CMPK2: variants seen among roughly 807,000 people sequenced by gnomAD.
CMPK2 encodes the protein UMP-CMP kinase 2, mitochondrial.
CMPK2 carries 32 observed loss-of-function variants against 33.4 expected under a neutral mutation model. That is an observed-to-expected ratio of 0.96 (90% CI 0.72 to 1.29). The LOEUF (loss-of-function observed/expected upper bound fraction) is 1.29. Among genes scored for constraint, CMPK2 ranks in the 50% most tolerant of loss-of-function variants. The pLI is 0.00. For missense variants in CMPK2, 672 were observed against 616.0 expected, an observed-to-expected ratio of 1.09 and a Z score of -0.96; for synonymous variants, 299 against 275.3, an observed-to-expected ratio of 1.09 and a Z score of -0.85.
chr2:6,855,298 C>T (rs895999659), intron 3 of CMPK2, among the ~76,000 whole-genome samples: 1 of 143,394 alleles, frequency 7.0e-6, no homozygotes, highest in Non-Finnish European at 1.6e-5. Flanking sequence ...GTAGCACTTC[C>T]CCCTGCTCTC....
At chr2:6,859,239 G>A (rs1662803114) in intron 3 of CMPK2, among the ~76,000 whole-genome samples, 1 of 152,228 alleles carries the variant, frequency 6.6e-6, no homozygotes, top group South Asian at 2.1e-4. Context: ...AATGGAAACA[G>A]AGCATAAAAG....
Position 6,848,749 on chromosome 2 carries a change from A to C in CMPK2, c.*1101T>G, listed in dbSNP as rs1193896643. The C allele has an allele frequency of 5.1e-6, 5 of 985,584 alleles. No individual in the cohort carries two copies. The highest frequency in any genetic ancestry group is 6.0e-6 in the Non-Finnish European group (5 of 829,878). 61.1% of individuals were successfully genotyped at this position (985,584 alleles called of 1,614,324 possible). ...TTTAGGTAATCACCTGGTTCAACCTACTCCCTAAAGTCACACAGCTCTATA... is the reference window on the plus strand; with the variant it reads ...TTTAGGTAATCACCTGGTTCAACCTCCTCCCTAAAGTCACACAGCTCTATA... On this transcript the variant is annotated 3_prime_UTR_variant, in exon 5 of 5. Coordinates refer to ENST00000256722, the MANE Select transcript of CMPK2 (RefSeq NM_207315.4).
chr2:6,865,256 G>A lies in CMPK2; in HGVS notation c.441C>T (p.Leu147=), dbSNP rs923832013. The A allele has an allele frequency of 2.1e-5, 32 of 1,538,054 alleles. No homozygotes were observed. Among genetic ancestry groups the A allele is most frequent in the Middle Eastern group, 1.7e-4 (1 of 5,794 alleles). ...CCTCCTGACAGGCGCCCAGCAGCTCGAGCAGCGCTTGCCGGGTGTCAGGGT... is the reference window on the plus strand; with the variant it reads ...CCTCCTGACAGGCGCCCAGCAGCTCAAGCAGCGCTTGCCGGGTGTCAGGGT... ...LDDPDTRQAL[L]ELLGACQEAP... Residue 147 remains leucine (L), a synonymous_variant, in exon 1 of 5, where the codon CTC becomes CTT. Transcript: ENST00000256722.
chr2:6,851,692 G>A lies in CMPK2; in HGVS notation c.993-9C>T. 6.2e-7 allele frequency: 1 copy of A among 1,612,898 alleles called. No individual in the cohort carries two copies. ...CCGTGCTGTGCCAGTACCTGAGAAGGAATGGGGTAGTGAGTTCTCTGTCTG... is the reference window on the plus strand; with the variant it reads ...CCGTGCTGTGCCAGTACCTGAGAAGAAATGGGGTAGTGAGTTCTCTGTCTG... On this transcript the variant is annotated splice_polypyrimidine_tract_variant and intron_variant, in intron 3 of 4. Coordinates refer to ENST00000256722, the MANE Select transcript of CMPK2 (RefSeq NM_207315.4).
In CMPK2 at chr2:6,865,540, CG is replaced by C. The variant is rs1197203651; in HGVS notation, c.156del (p.Gly53AlafsTer27). ...LAHFALGADA[P>X]GDADAPDPRL... ...CGGGGGTCGGGGGCGTCTGCGTCGC[CG>C]GGGGCGTCGGCGCCTAGGGCGAAGT... On this transcript the variant is annotated frameshift_variant, in exon 1 of 5. Transcript: ENST00000256722. LOFTEE classifies it high-confidence loss of function. The C allele has an allele frequency of 1.4e-5, 18 of 1,302,344 alleles. No homozygotes were observed. The highest frequency in any genetic ancestry group is 6.7e-5 in the South Asian group (3 of 44,566). The allele number at this position is 1,302,344 out of a possible 1,614,324, so 80.7% of individuals were successfully genotyped here.
At chr2:6,854,982 C>T (rs1316431456) in intron 3 of CMPK2, among the ~76,000 whole-genome samples, 1 of 151,842 alleles carries the variant, frequency 6.6e-6, no homozygotes, top group East Asian at 2.0e-4. Context: ...AAAGTCATAC[C>T]CTACTAGGAA....
chr2:6,865,741 A>G lies in CMPK2; in HGVS notation c.-45T>C. On this transcript the variant is annotated 5_prime_UTR_variant, in exon 1 of 5. Coordinates refer to ENST00000256722, the MANE Select transcript of CMPK2 (RefSeq NM_207315.4). The stretch of plus-strand genomic sequence containing the variant: ...CCCTCGGCCCCGCCTCGGAAACGAA[A>G]CCTGGCGGGAGCCAGGCGCCGGCGG... 7.8e-7 allele frequency: 1 copy of G among 1,275,570 alleles called. No individual in the cohort carries two copies. Among genetic ancestry groups the G allele is most frequent in the Non-Finnish European group, 9.9e-7 (1 of 1,011,870 alleles). The allele number at this position is 1,275,570 out of a possible 1,614,324, so 79.0% of individuals were successfully genotyped here.
chr2:6,857,667 C>T (rs1328133540), intron 3 of CMPK2, among the ~76,000 whole-genome samples: 16 of 136,100 alleles, frequency 1.2e-4, no homozygotes, highest in African/African-American at 3.9e-4. Flanking sequence ...GACGGAGTCT[C>T]GCTGTCGCCC....
intron 3 of CMPK2, among the ~76,000 whole-genome samples, chr2:6,859,589 G>A (rs1389284131): frequency 6.6e-6 from 1 of 152,352 alleles, no homozygotes; most frequent in East Asian, 1.9e-4. Context: ...AAAGCCCCAA[G>A]CCTCGGCAGC....
chr2:6,863,663 G>T (rs914804945), intron 1 of CMPK2, 85 bp from the exon 2 acceptor site: 2 of 939,298 alleles, frequency 2.1e-6, no homozygotes, highest in Non-Finnish European at 3.4e-6. Context: ...CAATATTGCC[G>T]CATGCTAATA....
chr2:6,861,374 C>T lies in CMPK2; in HGVS notation c.802G>A (p.Val268Met). Residue 268 changes from valine to methionine, a missense_variant, in exon 3 of 5, where the codon GTG becomes ATG. Transcript: ENST00000256722. ...AGTGAATCTGCCACTGACTGGGTCACCGTGGTTTTACCTGCAGGTCATACA... is the reference window on the plus strand; with the variant it reads ...AGTGAATCTGCCACTGACTGGGTCATCGTGGTTTTACCTGCAGGTCATACA... ...EGLDATGKTT[V>M]TQSVADSLKA... The T allele has an allele frequency of 6.2e-7, 1 of 1,614,084 alleles. No individual in the cohort carries two copies. The highest frequency in any genetic ancestry group is 8.5e-7 in the Non-Finnish European group (1 of 1,179,946).
At position 6,865,567 on chromosome 2, in the gene CMPK2, G is replaced by A; in HGVS notation, c.130C>T (p.His44Tyr). 1 of 1,362,394 alleles carries A rather than the reference G, an allele frequency of 7.3e-7. No individual in the cohort carries two copies. The highest frequency in any genetic ancestry group is 3.1e-5 in the Admixed American group (1 of 32,056). The allele number at this position is 1,362,394 out of a possible 1,614,324, so 84.4% of individuals were successfully genotyped here. Residue 44 changes from histidine (H) to tyrosine (Y), a missense_variant, in exon 1 of 5, where the codon CAC (histidine) becomes TAC (tyrosine). Transcript: ENST00000256722. Reference protein sequence around the residue: ...VLELPDCTLAHFALGADAPGD... With the variant: ...VLELPDCTLAYFALGADAPGD... ...GGGGCGTCGGCGCCTAGGGCGAAGT[G>A]AGCCAGGGTGCAGTCGGGAAGCTCC...
chr2:6,861,634 C>T (rs565182030), intron 2 of CMPK2, among the ~76,000 whole-genome samples: 7 of 152,302 alleles, frequency 4.6e-5, no homozygotes, highest in South Asian at 4.1e-4. Flanking sequence ...GCCCCTTTTA[C>T]GTGTGACTTT....
chr2:6,861,132 A>G, intron 3 of CMPK2, 52 bp downstream of exon 3: 1 of 938,142 alleles, frequency 1.1e-6, no homozygotes, highest in Non-Finnish European at 1.6e-6. Context: ...ACACACCCAC[A>G]CACTTATATA....
chr2:6,863,711 GA>G lies in CMPK2; in HGVS notation c.676-134del, dbSNP rs534743250. 267 of 618,916 alleles carry G rather than the reference GA, an allele frequency of 4.3e-4. No homozygotes were observed. The African/African-American group carries it at 4.5e-3, about 10-fold the overall frequency. The allele number at this position is 618,916 out of a possible 1,614,324, so 38.3% of individuals were successfully genotyped here. A position where few individuals can be genotyped will look rare whatever the true frequency, so the allele number is the denominator to read the frequency against. ...TACTGAGCACTGTGCCAGGCCATGG[GA>G]ATTCAGAGTATTTCGATGCTAGGAT... On this transcript the variant is annotated intron_variant, in intron 1 of 4. Transcript: ENST00000256722.
chr2:6,849,551 T>C lies in CMPK2; in HGVS notation c.*299A>G. The C allele has an allele frequency of 8.8e-7, 1 of 1,131,152 alleles. No individual in the cohort carries two copies. Among genetic ancestry groups the C allele is most frequent in the Non-Finnish European group, 1.1e-6 (1 of 921,426 alleles). 70.1% of individuals were successfully genotyped at this position (1,131,152 alleles called of 1,614,324 possible). ...GGTGCTGTCTGAGTAAGACAGGTCT[T>C]CCAGATATTTGGTAGTGATTAAGTG... On this transcript the variant is annotated 3_prime_UTR_variant, in exon 5 of 5. Coordinates refer to ENST00000256722, the MANE Select transcript of CMPK2 (RefSeq NM_207315.4).
chr2:6,841,888 G>A (rs1375922961), intron 3 of CMPK2, among the ~76,000 whole-genome samples: 1 of 152,206 alleles, frequency 6.6e-6, no homozygotes, highest in African/African-American at 2.4e-5. Flanking sequence ...GCCATTAGCA[G>A]TCAGGGAGTG....
chr2:6,861,736 C>T (rs1662889214), intron 2 of CMPK2, among the ~76,000 whole-genome samples: 1 of 152,172 alleles, frequency 6.6e-6, no homozygotes, highest in Non-Finnish European at 1.5e-5. Context: ...TTGATGAACC[C>T]ACACCTGGCA....
At chr2:6,864,762 T>G (rs963643571) in intron 1 of CMPK2, among the ~76,000 whole-genome samples, 3 of 152,190 alleles carry the variant, frequency 2.0e-5, no homozygotes, top group Non-Finnish European at 4.4e-5. Context: ...CCCTCTGTAC[T>G]GCTGTTGGGA....
Sources: allele counts gnomAD v4.1 joint callset (sites outside exome capture counted in the v4.1 genomes callset), GRCh38; gene constraint gnomAD v4.1.1; transcripts MANE v1.5; gene names NCBI Gene and HGNC (gene_info 2026-07-23, HGNC 2026-07-21).